Variants in PACS1 observed in about 807,000 individuals in gnomAD.
PACS1 encodes the protein phosphofurin acidic cluster sorting protein 1, also known as PACS-1.
In PACS1, 24 loss-of-function variants were observed where a neutral mutation model predicts 115.0. The ratio of observed to expected loss-of-function variants is 0.21; its 90% CI spans 0.15 to 0.29. The LOEUF is 0.29. PACS1 is among the 10% of genes least tolerant of loss of function. The probability of loss-of-function intolerance (pLI) is 1.00; values close to 1 mark genes in which losing one functional copy is unlikely to be tolerated. For synonymous variants in PACS1, 453 were observed against 504.5 expected (o/e 0.90, Z 1.37); for missense variants, 838 against 1,251.2 (o/e 0.67, Z 4.98).
intron 1 of PACS1, among the ~76,000 whole-genome samples, chr11:66,166,793 A>G (rs1032787531): frequency 6.6e-6 from 1 of 150,396 alleles, no homozygotes; most frequent in Non-Finnish European, 1.5e-5. Flanking sequence ...GGAACTTATA[A>G]TGGGCCAGGC....
At position 66,243,550 on chromosome 11, in the gene PACS1, C is replaced by T. The variant is rs1855860202; in HGVS notation, c.*270C>T. Reference sequence around the variant, plus strand: ...GCGTGTTGGTTTTGCCTTCTGGTGCCCATAGTCCCCTGGACTGAGTCCCCC... The same window carrying T: ...GCGTGTTGGTTTTGCCTTCTGGTGCTCATAGTCCCCTGGACTGAGTCCCCC... On this transcript the variant is annotated 3_prime_UTR_variant, in exon 24 of 24. Transcript: ENST00000320580. 6.0e-6 allele frequency: 3 copies of T among 499,384 alleles called. No homozygotes were observed. The highest frequency in any genetic ancestry group is 1.1e-5 in the Non-Finnish European group (3 of 272,746). The allele number at this position is 499,384 out of a possible 1,614,324, so 30.9% of individuals were successfully genotyped here. A position where few individuals can be genotyped will look rare whatever the true frequency, so the allele number is the denominator to read the frequency against.
At chr11:66,195,353 A>G (rs1854626199) in intron 2 of PACS1, among the ~76,000 whole-genome samples, 1 of 152,202 alleles carries the variant, frequency 6.6e-6, no homozygotes, top group South Asian at 2.1e-4. Flanking sequence ...TGTGTTGGGA[A>G]AGCAAGTGTG....
intron 1 of PACS1, among the ~76,000 whole-genome samples, chr11:66,110,598 G>T (rs1364918499): frequency 6.6e-6 from 1 of 152,060 alleles, no homozygotes; most frequent in South Asian, 2.1e-4. Context: ...TTGAGAAAGG[G>T]TCTCACTCTG....
chr11:66,116,005 T>C (rs943278548), intron 1 of PACS1, among the ~76,000 whole-genome samples: 2 of 152,234 alleles, frequency 1.3e-5, no homozygotes, highest in African/African-American at 4.8e-5. Flanking sequence ...TTAAGATGAA[T>C]TTGAAAAGAA....
chr11:66,074,812 G>A (rs148478207), intron 1 of PACS1, among the ~76,000 whole-genome samples: 110 of 152,196 alleles, frequency 7.2e-4, no homozygotes, highest in Non-Finnish European at 1.2e-3. Context: ...TCATGAAAAC[G>A]CTTGGGGGCA....
rs779508796 is a variant in PACS1, at chr11:66,216,197, G to A, written c.739G>A (p.Glu247Lys). 8.1e-6 allele frequency: 13 copies of A among 1,613,906 alleles called. No homozygotes were observed. In the Admixed American group the frequency reaches 1.7e-4, roughly 21 times the overall value. ...GAAGGATGTCTCTGTGCCTGTGGCA[G>A]AAATAAAGATCTACTCCCTGTCCAG... ...NVKDVSVPVA[E>K]IKIYSLSSQP... Residue 247 changes from glutamate (E) to lysine (K), a missense_variant, in exon 5 of 24, where the codon GAA (glutamate) becomes AAA (lysine). Coordinates refer to ENST00000320580, the MANE Select transcript of PACS1 (RefSeq NM_018026.4).
At chr11:66,135,714 T>C (rs1171034534) in intron 1 of PACS1, among the ~76,000 whole-genome samples, 3 of 150,378 alleles carry the variant, frequency 2.0e-5, no homozygotes, top group Non-Finnish European at 3.0e-5. Context: ...TAGAGTGCAG[T>C]GGTGCAATCT....
At chr11:66,183,141 GATAA>G (rs1042708673) in intron 1 of PACS1, among the ~76,000 whole-genome samples, 2 of 151,844 alleles carry the variant, frequency 1.3e-5, no homozygotes, top group East Asian at 3.9e-4. Context: ...AAAATAAATA[GATAA>G]ATAAATAAAT....
intron 7 of PACS1, among the ~76,000 whole-genome samples, chr11:66,218,949 G>A (rs1264996426): frequency 6.6e-6 from 1 of 152,102 alleles, no homozygotes; most frequent in Non-Finnish European, 1.5e-5. Context: ...GGGGTGTGAA[G>A]GGTCAAATAG....
chr11:66,167,310 C>G (rs1296860516), intron 1 of PACS1, among the ~76,000 whole-genome samples: 2 of 142,796 alleles, frequency 1.4e-5, no homozygotes, highest in African/African-American at 5.5e-5. Context: ...TCAGTCTTCT[C>G]TGGGTTCATG....
At chr11:66,114,506 A>T (rs1326570789) in intron 1 of PACS1, among the ~76,000 whole-genome samples, 3 of 151,980 alleles carry the variant, frequency 2.0e-5, no homozygotes, top group Non-Finnish European at 4.4e-5. Flanking sequence ...TTAGTATGCC[A>T]TAGAATAGAG....
At chr11:66,212,909 G>C (rs565881562) in intron 4 of PACS1, among the ~76,000 whole-genome samples, 1 of 152,270 alleles carries the variant, frequency 6.6e-6, no homozygotes, top group East Asian at 1.9e-4. Flanking sequence ...GAGTGCGCTG[G>C]CACAATCTCG....
intron 1 of PACS1, among the ~76,000 whole-genome samples, chr11:66,157,714 C>A (rs1859392069): frequency 6.6e-6 from 1 of 152,086 alleles, no homozygotes; most frequent in Non-Finnish European, 1.5e-5. Flanking sequence ...ATCACAGACA[C>A]CATCTCTGCC....
chr11:66,137,504 T>C (rs570940940), intron 1 of PACS1, among the ~76,000 whole-genome samples: 20 of 152,254 alleles, frequency 1.3e-4, no homozygotes, highest in Non-Finnish European at 1.9e-4. Flanking sequence ...ACACATCTTA[T>C]ACCTTCATTA....
chr11:66,193,152 A>G (rs1001520387), intron 1 of PACS1, among the ~76,000 whole-genome samples: 1 of 152,206 alleles, frequency 6.6e-6, no homozygotes. Flanking sequence ...AATGATATCC[A>G]TGGAAGTTCA....
Position 66,070,666 on chromosome 11 carries a change from C to A in PACS1, c.180C>A (p.Thr60=). 6.4e-7 allele frequency: 1 copy of A among 1,571,150 alleles called. No homozygotes were observed. Among genetic ancestry groups the A allele is most frequent in the Non-Finnish European group, 8.6e-7 (1 of 1,165,366 alleles). ...AGGCCACCTCGTCGTCCTCGTCCAC[C>A]TCGGCGGCGGCTGCCTCCTCCTCGT... ...LAQATSSSSS[T]SAAAASSSSS... Residue 60 remains threonine (T), a synonymous_variant, in exon 1 of 24, where the codon ACC becomes ACA. Coordinates refer to ENST00000320580, the MANE Select transcript of PACS1 (RefSeq NM_018026.4). The surrounding 1 kb of genome is among the most constrained non-coding windows in gnomAD (Gnocchi z 5.9).
intron 10 of PACS1, among the ~76,000 whole-genome samples, chr11:66,223,215 C>G (rs1210344845): frequency 2.0e-5 from 3 of 152,230 alleles, no homozygotes; most frequent in Admixed American, 6.5e-5. Context: ...GCCTCAGCCT[C>G]CCGAGTAGCT....
intron 3 of PACS1, among the ~76,000 whole-genome samples, chr11:66,210,815 C>T (rs1164420245): frequency 1.3e-5 from 2 of 152,232 alleles, no homozygotes; most frequent in Non-Finnish European, 2.9e-5. Context: ...ACTCCGTATC[C>T]CTCCTAGTCG....
At chr11:66,130,337 G>T (rs982908850) in intron 1 of PACS1, among the ~76,000 whole-genome samples, 7 of 152,124 alleles carry the variant, frequency 4.6e-5, no homozygotes, top group African/African-American at 1.7e-4. Flanking sequence ...GGAAAGGAGA[G>T]TTGAAGCAGA....
Sources: allele counts gnomAD v4.1 joint callset (sites outside exome capture counted in the v4.1 genomes callset), GRCh38; gene constraint gnomAD v4.1.1; non-coding constraint Gnocchi (gnomAD v3.1); transcripts MANE v1.5; gene names NCBI Gene and HGNC (gene_info 2026-07-23, HGNC 2026-07-21).